Variants in EPHA6 observed in about 807,000 individuals in gnomAD.
EPHA6 encodes ephrin type-A receptor 6.
Under a neutral mutation model 112.0 loss-of-function variants are expected in EPHA6, and 50 were observed. That is an observed-to-expected ratio of 0.45 (90% CI 0.36 to 0.56). The LOEUF (loss-of-function observed/expected upper bound fraction) is 0.56. Among genes scored for constraint, EPHA6 ranks in the 20% least tolerant of loss-of-function variants. The pLI is 0.00. For synonymous variants in EPHA6, 529 were observed against 490.7 expected, an observed-to-expected ratio of 1.08 and a Z score of -1.03; for missense variants, 1,280 against 1,417.4, an observed-to-expected ratio of 0.90 and a Z score of 1.56.
chr3:97,417,067 T>C (rs2088188044), intron 6 of EPHA6, among the ~76,000 whole-genome samples: 1 of 152,174 alleles, frequency 6.6e-6, no homozygotes, highest in African/African-American at 2.4e-5. Context: ...TATAACACCA[T>C]TTCAAAAGTT....
intron 5 of EPHA6, among the ~76,000 whole-genome samples, chr3:97,306,839 A>AT (rs549905979): frequency 1.4e-3 from 212 of 151,432 alleles, no homozygotes; most frequent in African/African-American, 4.8e-3. Context: ...TGTAAAAAAA[A>AT]TTTTTTTTGA....
rs2090229675 is a variant in EPHA6, at chr3:97,443,905, ATACTC to A, written c.1732-4661_1732-4657del. 2.0e-5 allele frequency among the ~76,000 whole-genome samples: 3 copies of A among 152,160 alleles called. 1 individual carries two copies. Among genetic ancestry groups the A allele is most frequent in the African/African-American group, 7.2e-5 (3 of 41,452 alleles). On this transcript the variant is annotated intron_variant, in intron 6 of 17. Coordinates refer to ENST00000389672, the MANE Select transcript of EPHA6 (RefSeq NM_001080448.3). The stretch of plus-strand genomic sequence containing the variant: ...GGCTCAGTCTAATCCATAGACATAT[ATACTC>A]TGGACATATTTGCTTAAATGGGGTG...
intron 5 of EPHA6, among the ~76,000 whole-genome samples, chr3:97,332,070 G>A (rs2082828711): frequency 6.6e-6 from 1 of 152,112 alleles, no homozygotes; most frequent in African/African-American, 2.4e-5. Context: ...TGATCAAGTG[G>A]GCTTCATCCC....
intron 10 of EPHA6, among the ~76,000 whole-genome samples, chr3:97,504,976 T>A (rs2092210558): frequency 6.6e-6 from 1 of 152,182 alleles, no homozygotes; most frequent in Non-Finnish European, 1.5e-5. Context: ...AAAAATATTT[T>A]CTTTTTTTAA....
At chr3:97,139,511 C>G (rs1042226877) in intron 3 of EPHA6, among the ~76,000 whole-genome samples, 2 of 152,156 alleles carry the variant, frequency 1.3e-5, no homozygotes, top group African/African-American at 2.4e-5. Flanking sequence ...CACACACTCA[C>G]AGTACACAAG....
At chr3:96,858,575 T>C (rs1471612564) in intron 1 of EPHA6, among the ~76,000 whole-genome samples, 2 of 152,104 alleles carry the variant, frequency 1.3e-5, no homozygotes, top group Non-Finnish European at 2.9e-5. Context: ...GGCGCTGTTA[T>C]CAATTCAAAT....
At chr3:97,314,792 G>T (rs1384181131) in intron 5 of EPHA6, among the ~76,000 whole-genome samples, 2 of 151,558 alleles carry the variant, frequency 1.3e-5, no homozygotes, top group Non-Finnish European at 3.0e-5. Flanking sequence ...ATAATGAAAG[G>T]TTGATGAGAA....
chr3:96,839,055 CTATTT>C (rs2034580781), intron 1 of EPHA6, among the ~76,000 whole-genome samples: 2 of 152,064 alleles, frequency 1.3e-5, no homozygotes, highest in South Asian at 4.1e-4. Flanking sequence ...TAAAGCAAAA[CTATTT>C]GAGTTTTTAT....
intron 3 of EPHA6, among the ~76,000 whole-genome samples, chr3:97,030,220 A>G (rs941934324): frequency 6.6e-6 from 1 of 152,110 alleles, no homozygotes; most frequent in Non-Finnish European, 1.5e-5. Flanking sequence ...AATTGTGCCA[A>G]GTTGCTGAAG....
intron 5 of EPHA6, among the ~76,000 whole-genome samples, chr3:97,371,047 G>T (rs1416290022): frequency 1.3e-5 from 2 of 149,714 alleles, no homozygotes; most frequent in Non-Finnish European, 3.0e-5. Context: ...ACTGAATTTT[G>T]CTGTAGCTAA....
chr3:97,190,627 A>G (rs903216945), intron 3 of EPHA6, among the ~76,000 whole-genome samples: 3 of 152,212 alleles, frequency 2.0e-5, no homozygotes, highest in African/African-American at 7.2e-5. Context: ...AATTATATAT[A>G]TTTATGATAT....
chr3:97,062,139 C>T (rs1464623022), intron 3 of EPHA6, among the ~76,000 whole-genome samples: 1 of 152,020 alleles, frequency 6.6e-6, no homozygotes, highest in Non-Finnish European at 1.5e-5. Context: ...TACAGAGTGA[C>T]ACATTATGCA....
intron 5 of EPHA6, among the ~76,000 whole-genome samples, chr3:97,273,821 G>T (rs1177481481): frequency 6.6e-6 from 1 of 152,162 alleles, no homozygotes; most frequent in South Asian, 2.1e-4. Flanking sequence ...AGAAATGACC[G>T]CAGTGGCCTT....
At chr3:97,743,961 A>G (rs1027384281) in intron 16 of EPHA6, among the ~76,000 whole-genome samples, 1 of 151,950 alleles carries the variant, frequency 6.6e-6, no homozygotes, top group Admixed American at 6.6e-5. Context: ...CGCTAGTACT[A>G]TTGTGAACTC....
At chr3:96,818,150 G>A (rs1407167180) in intron 1 of EPHA6, among the ~76,000 whole-genome samples, 1 of 152,010 alleles carries the variant, frequency 6.6e-6, no homozygotes, top group African/African-American at 2.4e-5. Context: ...AAGGAATATA[G>A]CCTTTCATTT....
At chr3:97,343,356 G>T (rs1489630031) in intron 5 of EPHA6, among the ~76,000 whole-genome samples, 2 of 152,118 alleles carry the variant, frequency 1.3e-5, no homozygotes, top group African/African-American at 4.8e-5. Context: ...TAATTGAGGA[G>T]ATATCTAATT....
intron 5 of EPHA6, among the ~76,000 whole-genome samples, chr3:97,383,305 ACT>A (rs1028102628): frequency 2.0e-5 from 3 of 151,944 alleles, no homozygotes; most frequent in Admixed American, 6.6e-5. Context: ...TTCTGCCAAA[ACT>A]CTCTGACATA....
At chr3:97,420,615 C>T (rs1396633708) in intron 6 of EPHA6, among the ~76,000 whole-genome samples, 1 of 151,942 alleles carries the variant, frequency 6.6e-6, no homozygotes, top group African/African-American at 2.4e-5. Context: ...TTTTTTTCCC[C>T]CATCTTTCAA....
chr3:97,568,259 C>A (rs1265905262), intron 11 of EPHA6, among the ~76,000 whole-genome samples: 1 of 152,172 alleles, frequency 6.6e-6, no homozygotes, highest in East Asian at 1.9e-4. Flanking sequence ...ATCATCATTT[C>A]TTTCCAGAAT....
Sources: gnomAD v4.1 joint callset for allele counts (sites outside exome capture counted in the v4.1 genomes callset) on GRCh38, gnomAD v4.1.1 for gene constraint, MANE v1.5 for transcripts, NCBI Gene and HGNC (gene_info 2026-07-23, HGNC 2026-07-21) for gene names.